The following OXR1 variants were observed in gnomAD, a reference collection of about 807,000 sequenced individuals.
The protein encoded by OXR1 is oxidation resistance 1.
In OXR1, 41 loss-of-function variants were observed where a neutral mutation model predicts 104.6. That is an observed-to-expected ratio of 0.39 (90% CI 0.31 to 0.51). OXR1 has a LOEUF of 0.51. Ranked by LOEUF, OXR1 falls within the 20% of genes least tolerant of loss-of-function variation. The pLI is 0.77. For missense variants in OXR1, 955 were observed against 1,031.9 expected (o/e 0.93, Z 1.02); for synonymous variants, 348 against 348.4 (o/e 1.00, Z 0.01).
At chr8:106,427,192 G>A (rs1214453441) in intron 2 of OXR1, among the ~76,000 whole-genome samples, 1 of 151,972 alleles carries the variant, frequency 6.6e-6, no homozygotes, top group East Asian at 1.9e-4. Flanking sequence ...TTTATTTTGA[G>A]ATGGAGTCTT....
intron 3 of OXR1, among the ~76,000 whole-genome samples, chr8:106,544,215 T>C (rs1815174436): frequency 6.6e-6 from 1 of 151,624 alleles, no homozygotes; most frequent in South Asian, 2.1e-4. Flanking sequence ...TTCTTTTTTT[T>C]TTTTTTTCAT....
intron 2 of OXR1, among the ~76,000 whole-genome samples, chr8:106,471,089 T>C (rs1332446264): frequency 6.6e-6 from 1 of 151,748 alleles, no homozygotes; most frequent in East Asian, 2.0e-4. Context: ...GAAATGGGAC[T>C]GTAGTGGCTG....
intron 1 of OXR1, among the ~76,000 whole-genome samples, chr8:106,354,464 A>G (rs192529329): frequency 0.01 from 1,558 of 152,246 alleles, 13 homozygotes; most frequent in Non-Finnish European, 0.018. Context: ...TGCACAGTAC[A>G]TCTCTTAAAA....
chr8:106,649,759 C>G lies in OXR1; in HGVS notation c.221-29451C>G, dbSNP rs531379071. On this transcript the variant is annotated intron_variant, in intron 3 of 16. Coordinates refer to ENST00000517566, the MANE Select transcript of OXR1 (RefSeq NM_001198533.2). The stretch of plus-strand genomic sequence containing the variant: ...TCGCCCAGGCTGGAGTGCAGTGGCG[C>G]GGTCTCGGCTCACTGCAACCTCTGC... Among the ~76,000 whole-genome samples, 11 of 152,062 alleles carry G rather than the reference C, an allele frequency of 7.2e-5. No homozygotes were observed. In the East Asian group the frequency reaches 1.9e-3, roughly 27 times the overall value.
At chr8:106,705,813 T>A (rs2131371082) in intron 8 of OXR1, among the ~76,000 whole-genome samples, 1 of 152,254 alleles carries the variant, frequency 6.6e-6, no homozygotes, top group East Asian at 1.9e-4. Flanking sequence ...TTAAAGAGTA[T>A]AGTTGTTAGC....
At position 106,305,628 on chromosome 8, in the gene OXR1, C is replaced by T. The variant is rs558728333; in HGVS notation, c.-139+35261C>T. The stretch of plus-strand genomic sequence containing the variant: ...ATTCATTTTTAATTCCATGCATCCC[C>T]AAAATACACACCCACCCATTATCCT... On this transcript the variant is annotated intron_variant, in intron 1 of 16. Coordinates refer to ENST00000517566, the MANE Select transcript of OXR1 (RefSeq NM_001198533.2). Among the ~76,000 whole-genome samples the T allele has an allele frequency of 1.5e-4, 23 of 152,196 alleles. 1 individual carries two copies. The highest frequency in any genetic ancestry group is 3.4e-3 in the Middle Eastern group (1 of 294).
At chr8:106,658,352 A>G (rs1825378666) in intron 3 of OXR1, among the ~76,000 whole-genome samples, 1 of 152,098 alleles carries the variant, frequency 6.6e-6, no homozygotes, top group Non-Finnish European at 1.5e-5. Flanking sequence ...CGAGGAAGGA[A>G]GGACTCGTTC....
chr8:106,598,930 G>T (rs1020551564), intron 3 of OXR1, among the ~76,000 whole-genome samples: 1 of 152,154 alleles, frequency 6.6e-6, no homozygotes, highest in Non-Finnish European at 1.5e-5. Context: ...AATTTGTAAA[G>T]AATTATTTCT....
intron 6 of OXR1, among the ~76,000 whole-genome samples, chr8:106,691,088 CT>C (rs1286598006): frequency 6.6e-6 from 1 of 151,926 alleles, no homozygotes; most frequent in Non-Finnish European, 1.5e-5. Context: ...AAAAAGATAA[CT>C]CTAGGTGATT....
intron 2 of OXR1, among the ~76,000 whole-genome samples, chr8:106,418,234 TTTTTA>T (rs2130527182): frequency 6.6e-6 from 1 of 152,264 alleles, no homozygotes; most frequent in African/African-American, 2.4e-5. Flanking sequence ...AAACTTTAGT[TTTTTA>T]TTTTATTTTG....
At chr8:106,323,240 C>T (rs1276503718) in intron 1 of OXR1, among the ~76,000 whole-genome samples, 3 of 152,146 alleles carry the variant, frequency 2.0e-5, no homozygotes, top group Admixed American at 1.3e-4. Flanking sequence ...TGCACATCTA[C>T]GACCACTTGA....
intron 3 of OXR1, among the ~76,000 whole-genome samples, chr8:106,538,723 A>G (rs766820880): frequency 6.6e-6 from 1 of 152,208 alleles, no homozygotes; most frequent in Non-Finnish European, 1.5e-5. Context: ...ATGCCCCCAG[A>G]TAGTTCTGAC....
intron 2 of OXR1, among the ~76,000 whole-genome samples, chr8:106,465,609 T>C (rs1372794479): frequency 6.6e-6 from 1 of 151,936 alleles, no homozygotes; most frequent in Non-Finnish European, 1.5e-5. Context: ...AAATTATTGA[T>C]AAATTTTGAA....
At chr8:106,471,013 A>G (rs1276046142) in intron 2 of OXR1, among the ~76,000 whole-genome samples, 1 of 151,730 alleles carries the variant, frequency 6.6e-6, no homozygotes, top group East Asian at 1.9e-4. Flanking sequence ...AAAGAGAATG[A>G]AAGAGAATTA....
chr8:106,375,534 C>CA (rs1482568867), intron 2 of OXR1, among the ~76,000 whole-genome samples: 2 of 152,060 alleles, frequency 1.3e-5, no homozygotes, highest in African/African-American at 4.8e-5. Flanking sequence ...CTATAGTTAT[C>CA]ATCAGAACAT....
intron 3 of OXR1, among the ~76,000 whole-genome samples, chr8:106,523,239 G>A (rs1461937590): frequency 6.6e-6 from 1 of 152,166 alleles, no homozygotes; most frequent in African/African-American, 2.4e-5. Flanking sequence ...TGCTCTTAAA[G>A]AATTCATGTT....
At chr8:106,630,563 C>T (rs771889472) in intron 3 of OXR1, among the ~76,000 whole-genome samples, 1 of 152,126 alleles carries the variant, frequency 6.6e-6, no homozygotes, top group Non-Finnish European at 1.5e-5. Flanking sequence ...CTAGGCACAA[C>T]AGAACTCATA....
At chr8:106,442,808 T>C (rs1220687382) in intron 2 of OXR1, among the ~76,000 whole-genome samples, 1 of 152,196 alleles carries the variant, frequency 6.6e-6, no homozygotes, top group Non-Finnish European at 1.5e-5. Flanking sequence ...CTTCTCATCT[T>C]CCCTCTTAGT....
At position 106,736,866 on chromosome 8, in the gene OXR1, G is replaced by GA. The variant is rs147355130; in HGVS notation, c.1957-645dup. On this transcript the variant is annotated intron_variant, in intron 11 of 16. Transcript: ENST00000517566. The stretch of plus-strand genomic sequence containing the variant: ...TAAAACAGGAGAGAGGCAAAAAGTG[G>GA]AAAAAAAAAGTCATTTAAAGGGCTG... Among the ~76,000 whole-genome samples the GA allele has an allele frequency of 7.8e-3, 1,176 of 150,296 alleles. 10 individuals are homozygous for GA. The highest frequency in any genetic ancestry group is 0.014 in the Middle Eastern group (4 of 292).
Sources: allele counts gnomAD v4.1 joint callset (sites outside exome capture counted in the v4.1 genomes callset), GRCh38; gene constraint gnomAD v4.1.1; transcripts MANE v1.5; gene names NCBI Gene and HGNC (gene_info 2026-07-23, HGNC 2026-07-21).